The following TENM4 variants were observed in gnomAD, a reference collection of about 807,000 sequenced individuals.
TENM4 encodes the protein teneurin transmembrane protein 4, also known as teneurin-4.
In TENM4, 82 loss-of-function variants were observed where a neutral mutation model predicts 243.3. That is an observed-to-expected ratio of 0.34 (90% confidence interval 0.28 to 0.40). TENM4 has a LOEUF of 0.40. TENM4 is among the 10% of genes least tolerant of loss of function. The probability of loss-of-function intolerance (pLI) is 1.00; values close to 1 mark genes in which losing one functional copy is unlikely to be tolerated. For missense variants in TENM4, 3,138 were observed against 3,673.3 expected, an observed-to-expected ratio of 0.85 and a Z score of 3.77; for synonymous variants, 1,412 against 1,456.3, an observed-to-expected ratio of 0.97 and a Z score of 0.69.
At chr11:79,410,101 C>T (rs911079377) in intron 1 of TENM4, among the ~76,000 whole-genome samples, 1 of 152,136 alleles carries the variant, frequency 6.6e-6, no homozygotes, top group Admixed American at 6.5e-5. Flanking sequence ...TTGTGTTGGG[C>T]CGCATTCAAA....
intron 3 of TENM4, among the ~76,000 whole-genome samples, chr11:79,164,040 ACACTATAAATACTATGTATATATAGT>A (rs1404932241): frequency 1.4e-4 from 8 of 55,842 alleles, no homozygotes; most frequent in African/African-American, 3.8e-4. Flanking sequence ...TAGTATATAT[ACACTATAAATACTATGTATATATAGT>A]GTATATATAC....
chr11:79,309,874 C>T (rs966245398), intron 1 of TENM4, among the ~76,000 whole-genome samples: 9 of 152,204 alleles, frequency 5.9e-5, no homozygotes, highest in African/African-American at 2.2e-4. Context: ...CTCTCCCCAT[C>T]CCAGTGCTGC....
At chr11:79,152,875 G>A (rs1862537580) in intron 3 of TENM4, among the ~76,000 whole-genome samples, 1 of 152,306 alleles carries the variant, frequency 6.6e-6, no homozygotes, top group Non-Finnish European at 1.5e-5. Flanking sequence ...AAAACCCAAC[G>A]GCATTCATCA....
At chr11:79,067,561 C>T (rs1860294751) in intron 5 of TENM4, among the ~76,000 whole-genome samples, 1 of 150,512 alleles carries the variant, frequency 6.6e-6, no homozygotes, top group Admixed American at 6.6e-5. Context: ...TCCTGCATGC[C>T]CTTTTAAGCA....
intron 6 of TENM4, among the ~76,000 whole-genome samples, chr11:78,941,301 C>T (rs1454817252): frequency 1.3e-5 from 2 of 152,136 alleles, no homozygotes; most frequent in Non-Finnish European, 2.9e-5. Flanking sequence ...GCACTTAGCA[C>T]CTTACGTGCT....
intron 6 of TENM4, among the ~76,000 whole-genome samples, chr11:78,961,599 G>C (rs562241651): frequency 1.3e-5 from 2 of 152,198 alleles, no homozygotes; most frequent in Non-Finnish European, 2.9e-5. Context: ...CCTGTCTCCA[G>C]GCTCTGTGAA....
chr11:79,016,051 G>A (rs993760646), intron 6 of TENM4, among the ~76,000 whole-genome samples: 1 of 152,196 alleles, frequency 6.6e-6, no homozygotes, highest in Non-Finnish European at 1.5e-5. Context: ...GGGGCATGGT[G>A]AGTAGAAGGG....
Position 78,715,627 on chromosome 11 carries a change from A to G in TENM4, c.3822-2913T>C, listed in dbSNP as rs188144851. The stretch of plus-strand genomic sequence containing the variant: ...CTGCTGGTAAGTTAAGCATAGGGAA[A>G]ACAACAACTAGCTTTGAGCTTAGAA... On this transcript the variant is annotated intron_variant, in intron 25 of 33. Transcript: ENST00000278550. 1.2e-4 allele frequency among the ~76,000 whole-genome samples: 19 copies of G among 152,290 alleles called. No homozygotes were observed. In the East Asian group the frequency reaches 3.7e-3, roughly 29 times the overall value.
At chr11:79,237,343 C>G (rs1864496003) in intron 2 of TENM4, among the ~76,000 whole-genome samples, 1 of 152,164 alleles carries the variant, frequency 6.6e-6, no homozygotes, top group African/African-American at 2.4e-5. Flanking sequence ...CTGCTAATGC[C>G]TGGGAAATCA....
intron 4 of TENM4, among the ~76,000 whole-genome samples, chr11:79,131,536 A>G (rs1252990787): frequency 6.6e-6 from 1 of 152,248 alleles, no homozygotes; most frequent in Non-Finnish European, 1.5e-5. Flanking sequence ...GGAGCTCTAA[A>G]TCTTGAAACA....
At chr11:78,804,404 G>A (rs943455224) in intron 15 of TENM4, among the ~76,000 whole-genome samples, 7 of 152,148 alleles carry the variant, frequency 4.6e-5, no homozygotes, top group African/African-American at 1.7e-4. Flanking sequence ...GCTGTTTAAA[G>A]TATTATGTAA....
At chr11:79,161,383 T>A (rs923290711) in intron 3 of TENM4, among the ~76,000 whole-genome samples, 1 of 152,348 alleles carries the variant, frequency 6.6e-6, no homozygotes, top group Middle Eastern at 3.4e-3. Flanking sequence ...AATCTCTGAA[T>A]GTAATCTTAT....
intron 10 of TENM4, among the ~76,000 whole-genome samples, chr11:78,857,025 A>G (rs1858696852): frequency 6.6e-6 from 1 of 152,176 alleles, no homozygotes; most frequent in Non-Finnish European, 1.5e-5. Context: ...AATGCAAGCA[A>G]GGAAGGCAGC....
intron 16 of TENM4, among the ~76,000 whole-genome samples, chr11:78,781,741 G>A (rs1223162998): frequency 6.6e-6 from 1 of 150,914 alleles, no homozygotes; most frequent in African/African-American, 2.4e-5. Context: ...ACTACAGCAG[G>A]TGATGGGTTG....
At chr11:78,712,156 G>C (rs1026865565) in intron 26 of TENM4, among the ~76,000 whole-genome samples, 7 of 152,126 alleles carry the variant, frequency 4.6e-5, no homozygotes, top group Admixed American at 4.6e-4. Context: ...TTAAAAATGA[G>C]TACACAGAAA....
chr11:79,007,385 A>G (rs1858514608), intron 6 of TENM4, among the ~76,000 whole-genome samples: 1 of 151,308 alleles, frequency 6.6e-6, no homozygotes, highest in Admixed American at 6.6e-5. Context: ...GAGAGAGACT[A>G]TGTGAGTGAT....
chr11:79,060,742 G>T (rs987685185), intron 6 of TENM4, among the ~76,000 whole-genome samples: 11 of 152,154 alleles, frequency 7.2e-5, no homozygotes, highest in Admixed American at 2.0e-4. Flanking sequence ...GGAGCCTCAG[G>T]TTTCCCATTT....
intron 6 of TENM4, among the ~76,000 whole-genome samples, chr11:78,936,103 A>G (rs1856777426): frequency 1.3e-5 from 2 of 152,212 alleles, no homozygotes; most frequent in Admixed American, 6.5e-5. Context: ...TCCTTCAACT[A>G]GAAGGTGAGT....
chr11:78,943,034 G>GAA (rs1856936355), intron 6 of TENM4, among the ~76,000 whole-genome samples: 2 of 152,130 alleles, frequency 1.3e-5, no homozygotes, highest in African/African-American at 2.4e-5. Flanking sequence ...ATGGTCCTGC[G>GAA]AGGGTCTTTA....
Sources: allele counts gnomAD v4.1 joint callset (sites outside exome capture counted in the v4.1 genomes callset), GRCh38; gene constraint gnomAD v4.1.1; transcripts MANE v1.5; gene names NCBI Gene and HGNC (gene_info 2026-07-23, HGNC 2026-07-21).